RAI1: variants seen among roughly 807,000 people sequenced by gnomAD.
RAI1 encodes retinoic acid induced 1, also known as retinoic acid-induced protein 1.
A neutral mutation model predicts 123.8 loss-of-function variants in RAI1; 9 were observed. That is an observed-to-expected ratio of 0.07 (90% CI 0.04 to 0.13). The LOEUF is 0.13. RAI1 is among the 10% of genes least tolerant of loss of function. RAI1 has a pLI of 1.00. For synonymous variants in RAI1, 1,231 were observed against 1,127.3 expected (o/e 1.09, Z -1.84); for missense variants, 2,256 against 2,545.8 (o/e 0.89, Z 2.45).
chr17:17,758,863 G>A (rs189386253), intron 2 of RAI1, among the ~76,000 whole-genome samples: 11 of 152,284 alleles, frequency 7.2e-5, no homozygotes, highest in African/African-American at 2.6e-4. Context: ...AAAGGCCCAG[G>A]GGTATGAAGC....
intron 2 of RAI1, among the ~76,000 whole-genome samples, chr17:17,751,648 A>G (rs1227108340): frequency 6.6e-6 from 1 of 152,146 alleles, no homozygotes; most frequent in Non-Finnish European, 1.5e-5. Flanking sequence ...CGGGCACACT[A>G]CTGCCTTGGG....
chr17:17,810,165 G>T lies in RAI1; in HGVS notation c.*184G>T, dbSNP rs974525269. The T allele has an allele frequency of 4.5e-6, 4 of 883,834 alleles. No homozygotes were observed. The highest frequency in any genetic ancestry group is 2.9e-5 in the East Asian group (1 of 34,806). 54.7% of individuals were successfully genotyped at this position (883,834 alleles called of 1,614,324 possible). On this transcript the variant is annotated 3_prime_UTR_variant, in exon 6 of 6. Coordinates refer to ENST00000353383, the MANE Select transcript of RAI1 (RefSeq NM_030665.4). This position sits in a 1 kb window ranked among gnomAD's most constrained non-coding sequence, Gnocchi z 4.6. The stretch of plus-strand genomic sequence containing the variant: ...CTAGGGCTCAGACTTGCGGCCCCGG[G>T]TTGGGAGGAAAACCCGTTCCGGAGC...
chr17:17,806,148 G>A (rs929369662), intron 4 of RAI1, among the ~76,000 whole-genome samples: 1 of 152,220 alleles, frequency 6.6e-6, no homozygotes, highest in East Asian at 1.9e-4. Context: ...TATGCACTGT[G>A]GAAGAGGTTC....
chr17:17,727,043 G>A (rs1916115187), intron 2 of RAI1, among the ~76,000 whole-genome samples: 1 of 152,204 alleles, frequency 6.6e-6, no homozygotes, highest in Admixed American at 6.5e-5. Context: ...GATGAATGAT[G>A]TAGTGGATAT....
At chr17:17,772,938 TAGAA>T (rs1204621166) in intron 2 of RAI1, among the ~76,000 whole-genome samples, 2 of 151,864 alleles carry the variant, frequency 1.3e-5, no homozygotes, top group African/African-American at 2.4e-5. Context: ...GATGCATGGA[TAGAA>T]AGAAGGTAGG....
chr17:17,728,139 C>G (rs1257556099), intron 2 of RAI1, among the ~76,000 whole-genome samples: 4 of 151,938 alleles, frequency 2.6e-5, no homozygotes, highest in African/African-American at 9.7e-5. Flanking sequence ...GAGGGTGCCC[C>G]CGAGCTCGGT....
chr17:17,792,841 G>T, intron 2 of RAI1, 92 bp from the exon 3 acceptor site: 1 of 1,047,738 alleles, frequency 9.5e-7, no homozygotes. Context: ...AAAAGGAAGT[G>T]GCCCGTCTGA....
chr17:17,697,844 C>T (rs758904159), intron 1 of RAI1, among the ~76,000 whole-genome samples: 1 of 152,164 alleles, frequency 6.6e-6, no homozygotes, highest in Non-Finnish European at 1.5e-5. Flanking sequence ...GCAGGTCACA[C>T]GTTCTTTGTG....
intron 1 of RAI1, chr17:17,684,582 A>C (rs1000964477): frequency 6.6e-6 from 1 of 151,496 alleles, no homozygotes; most frequent in African/African-American, 2.4e-5. Flanking sequence ...ATGTAGTAAA[A>C]GTAAAAGTTC....
At chr17:17,747,958 GGAGGCTAAGGCTGGAAGATCACTT>G (rs753920495) in intron 2 of RAI1, among the ~76,000 whole-genome samples, 6 of 152,196 alleles carry the variant, frequency 3.9e-5, no homozygotes, top group Non-Finnish European at 7.3e-5. Flanking sequence ...CCAGCTACTT[GGAGGCTAAGGCTGGAAGATCACTT>G]GAGCCTGGGA....
chr17:17,800,415 G>A lies in RAI1; in HGVS notation c.5565+1902G>A, dbSNP rs180926090. Among the ~76,000 whole-genome samples, 6 of 152,256 alleles carry A rather than the reference G, an allele frequency of 3.9e-5. No homozygotes were observed. The East Asian group carries it at 9.7e-4, about 24-fold the overall frequency. On this transcript the variant is annotated intron_variant, in intron 3 of 5. Transcript: ENST00000353383. This position sits in a 1 kb window ranked among gnomAD's most constrained non-coding sequence, Gnocchi z 4.7. ...TCACCAGGGGCTCCCCGACACTCAC[G>A]TCCCACCAGGCTGAGATCAGGTCGT...
chr17:17,705,912 T>C (rs1359945759), intron 1 of RAI1, among the ~76,000 whole-genome samples: 1 of 149,302 alleles, frequency 6.7e-6, no homozygotes, highest in East Asian at 2.0e-4. Context: ...TAGTCCCAGC[T>C]ACTCGGGAGG....
intron 1 of RAI1, among the ~76,000 whole-genome samples, chr17:17,701,618 C>T (rs552206815): frequency 2.6e-4 from 40 of 152,190 alleles, no homozygotes; most frequent in African/African-American, 9.4e-4. Flanking sequence ...CTTTGAAGAC[C>T]GCATCTTGCT....
At position 17,810,986 on chromosome 17, in the gene RAI1, C is replaced by A; in HGVS notation, c.*1005C>A. The stretch of plus-strand genomic sequence containing the variant: ...CCGTGTGTCGCCGCCGTGCGTCGTG[C>A]GCCCGCAACAGAGCCCCAACCGGGC... On this transcript the variant is annotated 3_prime_UTR_variant, in exon 6 of 6. Coordinates refer to ENST00000353383, the MANE Select transcript of RAI1 (RefSeq NM_030665.4). This position sits in a 1 kb window ranked among gnomAD's most constrained non-coding sequence, Gnocchi z 4.6. 3.1e-6 allele frequency: 1 copy of A among 320,416 alleles called. No individual in the cohort carries two copies. The highest frequency in any genetic ancestry group is 2.2e-5 in the South Asian group (1 of 45,292). 19.8% of individuals were successfully genotyped at this position (320,416 alleles called of 1,614,324 possible). A position where few individuals can be genotyped will look rare whatever the true frequency, so the allele number is the denominator to read the frequency against.
chr17:17,754,650 C>A (rs1376078779), intron 2 of RAI1, among the ~76,000 whole-genome samples: 5 of 152,204 alleles, frequency 3.3e-5, no homozygotes, highest in Admixed American at 6.5e-5. Context: ...CCTCTGTAAA[C>A]TGTTATTAAA....
At chr17:17,746,603 A>G (rs1202472773) in intron 2 of RAI1, among the ~76,000 whole-genome samples, 1 of 149,188 alleles carries the variant, frequency 6.7e-6, no homozygotes, top group Non-Finnish European at 1.5e-5. Context: ...CCAGAGCACC[A>G]TATGTGTTTT....
chr17:17,698,923 G>C (rs1049075235), intron 1 of RAI1, among the ~76,000 whole-genome samples: 4 of 152,356 alleles, frequency 2.6e-5, no homozygotes, highest in Non-Finnish European at 4.4e-5. Context: ...ATTAATCAAA[G>C]AATCAAGTGA....
chr17:17,711,875 C>T (rs563154840), intron 1 of RAI1, among the ~76,000 whole-genome samples: 20 of 152,360 alleles, frequency 1.3e-4, no homozygotes, highest in East Asian at 5.8e-4. Flanking sequence ...ATTCAACTCC[C>T]GGGACCTGTG....
rs780149996 is a variant in RAI1 at position 17,792,333 on chromosome 17, G to A, written c.-16-600G>A. Among the ~76,000 whole-genome samples the A allele has an allele frequency of 3.4e-4, 51 of 150,930 alleles. 1 individual carries two copies. Among genetic ancestry groups the A allele is most frequent in the South Asian group, 2.7e-3 (13 of 4,806 alleles). On this transcript the variant is annotated intron_variant, in intron 2 of 5. Transcript: ENST00000353383. ...TGTGCATGCGTGTGTGTGTGTGTGC[G>A]CGCGTGTGTGTGTGAGCATACATAT...
Sources: gnomAD v4.1 joint callset for allele counts (sites outside exome capture counted in the v4.1 genomes callset) on GRCh38, gnomAD v4.1.1 for gene constraint, Gnocchi (gnomAD v3.1) non-coding constraint, MANE v1.5 for transcripts, NCBI Gene and HGNC (gene_info 2026-07-23, HGNC 2026-07-21) for gene names.